DEUP1: variants seen among roughly 807,000 people sequenced by gnomAD.
DEUP1 encodes coiled-coil domain containing 67.
A neutral mutation model predicts 87.4 loss-of-function variants in DEUP1; 82 were observed. The ratio of observed to expected loss-of-function variants is 0.94; its 90% CI spans 0.78 to 1.13. DEUP1 has a LOEUF of 1.13. Ranked by LOEUF, DEUP1 falls within the 50% of genes most tolerant of loss-of-function variation. The probability of loss-of-function intolerance (pLI) is 0.00; values close to 1 mark genes in which losing one functional copy is unlikely to be tolerated. For missense variants in DEUP1, 663 were observed against 681.5 expected, an observed-to-expected ratio of 0.97 and a Z score of 0.30; for synonymous variants, 214 against 222.7, an observed-to-expected ratio of 0.96 and a Z score of 0.35.
chr11:93,418,822 C>T (rs1947750469), intron 13 of DEUP1, among the ~76,000 whole-genome samples: 1 of 152,060 alleles, frequency 6.6e-6, no homozygotes, highest in Non-Finnish European at 1.5e-5. Flanking sequence ...GAAAATGTGG[C>T]ACATATACAT....
At chr11:93,353,566 T>C (rs950615403) in intron 2 of DEUP1, among the ~76,000 whole-genome samples, 10 of 152,228 alleles carry the variant, frequency 6.6e-5, no homozygotes, top group African/African-American at 2.2e-4. Flanking sequence ...AGAGGTTCTC[T>C]GTGAGGGCCC....
At chr11:93,388,933 C>A in intron 8 of DEUP1, 87 bp from the exon 9 acceptor site, 1 of 737,306 alleles carries the variant, frequency 1.4e-6, no homozygotes, top group Non-Finnish European at 2.2e-6. Context: ...ATCTCCGCAG[C>A]CTGTAATGGT....
intron 7 of DEUP1, among the ~76,000 whole-genome samples, chr11:93,377,425 A>G (rs894591844): frequency 5.3e-5 from 8 of 152,072 alleles, no homozygotes; most frequent in African/African-American, 1.9e-4. Flanking sequence ...CTGATGTAAG[A>G]GTAGCTGCTC....
At chr11:93,364,982 C>A (rs1403125623) in intron 5 of DEUP1, among the ~76,000 whole-genome samples, 1 of 152,092 alleles carries the variant, frequency 6.6e-6, no homozygotes, top group Non-Finnish European at 1.5e-5. Flanking sequence ...AGTCATGGAA[C>A]AGCAGAAAGA....
chr11:93,390,577 T>C (rs553241625), intron 9 of DEUP1, among the ~76,000 whole-genome samples: 79 of 152,270 alleles, frequency 5.2e-4, no homozygotes, highest in African/African-American at 1.9e-3. Context: ...AAAAGATTGG[T>C]TAAAGCCACC....
At chr11:93,335,586 G>C (rs573065438) in intron 2 of DEUP1, among the ~76,000 whole-genome samples, 1 of 152,110 alleles carries the variant, frequency 6.6e-6, no homozygotes, top group Non-Finnish European at 1.5e-5. Flanking sequence ...TGCTTGATGT[G>C]TCAAGGTTTA....
intron 4 of DEUP1, among the ~76,000 whole-genome samples, chr11:93,363,735 A>T (rs898812603): frequency 6.6e-6 from 1 of 151,940 alleles, no homozygotes; most frequent in African/African-American, 2.4e-5. Context: ...TATGTCTTTT[A>T]AATTAATACA....
At position 93,408,391 on chromosome 11, in the gene DEUP1, A is replaced by G. The variant is rs770738724; in HGVS notation, c.1487A>G (p.Tyr496Cys). 1 of 1,565,656 alleles carries G rather than the reference A, an allele frequency of 6.4e-7. No individual in the cohort carries two copies. The highest frequency in any genetic ancestry group is 1.2e-5 in the South Asian group (1 of 84,186). The change falls in exon 12 of 14, where the codon TAT becomes TGT. Residue 496 changes from tyrosine (Y) to cysteine (C), a missense_variant. Tyr to Cys is a radical substitution (Grantham distance 194). Coordinates refer to ENST00000298050, the MANE Select transcript of DEUP1 (RefSeq NM_181645.4). ...TATGAAGAAACAGGAAGATATGCCTATCAAAGCCAAATAAAAGTGGAACAA... is the reference window on the plus strand; with the variant it reads ...TATGAAGAAACAGGAAGATATGCCTGTCAAAGCCAAATAAAAGTGGAACAA... Reference protein sequence around the residue: ...NTYEETGRYAYQSQIKVEQNE... With the variant: ...NTYEETGRYACQSQIKVEQNE...
At chr11:93,392,578 A>T (rs1555053787) in intron 9 of DEUP1, among the ~76,000 whole-genome samples, 1 of 152,216 alleles carries the variant, frequency 6.6e-6, no homozygotes, top group Non-Finnish European at 1.5e-5. Flanking sequence ...TATATTTTTG[A>T]GACAAGCTTA....
intron 2 of DEUP1, among the ~76,000 whole-genome samples, chr11:93,332,580 C>T (rs1943546119): frequency 6.6e-6 from 1 of 152,136 alleles, no homozygotes; most frequent in Non-Finnish European, 1.5e-5. Flanking sequence ...CTTCTGTTAC[C>T]ACAATGCAAC....
chr11:93,364,694 C>A (rs1296891968), intron 5 of DEUP1, among the ~76,000 whole-genome samples: 1 of 151,856 alleles, frequency 6.6e-6, no homozygotes, highest in Non-Finnish European at 1.5e-5. Flanking sequence ...TAAAACAGGG[C>A]TTGAAGTTTC....
intron 2 of DEUP1, among the ~76,000 whole-genome samples, chr11:93,350,879 C>G (rs1363551257): frequency 6.6e-6 from 1 of 151,654 alleles, no homozygotes; most frequent in African/African-American, 2.4e-5. Flanking sequence ...TCGTTTGAAC[C>G]CAGGAGGCGG....
intron 13 of DEUP1, among the ~76,000 whole-genome samples, chr11:93,419,207 G>A (rs1374684433): frequency 6.6e-6 from 1 of 151,262 alleles, no homozygotes; most frequent in Non-Finnish European, 1.5e-5. Flanking sequence ...AGACAGAACT[G>A]TGGCTTGGAT....
chr11:93,437,894 C>A lies in DEUP1; in HGVS notation c.*175C>A. 2.0e-6 allele frequency: 1 copy of A among 496,948 alleles called. No homozygotes were observed. The highest frequency in any genetic ancestry group is 3.6e-6 in the Non-Finnish European group (1 of 275,690). The allele number at this position is 496,948 out of a possible 1,614,324, so 30.8% of individuals were successfully genotyped here. On this transcript the variant is annotated 3_prime_UTR_variant, in exon 14 of 14. Coordinates refer to ENST00000298050, the MANE Select transcript of DEUP1 (RefSeq NM_181645.4). ...AAGTATTTTGTTCTATAAAGCTGTT[C>A]ACATTTCTGCATTAACATGCTAAAT...
rs201273409 is a variant in DEUP1, at chr11:93,371,275, T to C, written c.784T>C (p.Cys262Arg). The change falls in exon 7 of 14, where the codon TGC (cysteine) becomes CGC (arginine). Residue 262 changes from cysteine to arginine, a missense_variant. By Grantham distance (180) the Cys-to-Arg change is radical (BLOSUM62 -3). Transcript: ENST00000298050. ...AGAACTGAAAATGTACCAAAGACAGTGCCAGGTGAAGATTAATTTTTTTTC... is the reference window on the plus strand; with the variant it reads ...AGAACTGAAAATGTACCAAAGACAGCGCCAGGTGAAGATTAATTTTTTTTC... ...LQELKMYQRQ[C>R]QAMEAGLSEV... is the part of the protein sequence containing the mutation. 2.9e-4 allele frequency: 471 copies of C among 1,608,708 alleles called. No individual in the cohort carries two copies. Among genetic ancestry groups the C allele is most frequent in the Non-Finnish European group, 3.7e-4 (433 of 1,177,998 alleles).
chr11:93,388,044 T>C (rs1946644853), intron 8 of DEUP1, among the ~76,000 whole-genome samples: 1 of 152,146 alleles, frequency 6.6e-6, no homozygotes, highest in African/African-American at 2.4e-5. Flanking sequence ...TTAACATATA[T>C]ATTTGATAAT....
At chr11:93,375,821 C>T (rs2134286961) in intron 7 of DEUP1, among the ~76,000 whole-genome samples, 1 of 152,234 alleles carries the variant, frequency 6.6e-6, no homozygotes, top group South Asian at 2.1e-4. Context: ...GGTAGGATTC[C>T]CTCTTTCTCT....
intron 2 of DEUP1, among the ~76,000 whole-genome samples, chr11:93,335,693 T>C (rs1479152085): frequency 6.6e-6 from 1 of 152,244 alleles, no homozygotes; most frequent in Non-Finnish European, 1.5e-5. Context: ...TTGCCTGATA[T>C]TAATATTACC....
Position 93,385,561 on chromosome 11 carries a change from GA to G in DEUP1, c.935+19del. On this transcript the variant is annotated intron_variant, in intron 8 of 13. Coordinates refer to ENST00000298050, the MANE Select transcript of DEUP1 (RefSeq NM_181645.4). The stretch of plus-strand genomic sequence containing the variant: ...AAAACAAGGTATAATCTTTATATTT[GA>G]CAATCTGAGAGAACTGTTCAAAACA... 3 of 1,566,442 alleles carry G rather than the reference GA, an allele frequency of 1.9e-6. No individual in the cohort carries two copies. The highest frequency in any genetic ancestry group is 1.7e-6 in the Non-Finnish European group (2 of 1,161,314).
Sources: allele counts gnomAD v4.1 joint callset (sites outside exome capture counted in the v4.1 genomes callset), GRCh38; gene constraint gnomAD v4.1.1; transcripts MANE v1.5; gene names NCBI Gene and HGNC (gene_info 2026-07-23, HGNC 2026-07-21).